Variants in CDH13 observed in about 807,000 individuals in gnomAD.
CDH13 encodes the protein cadherin 13.
CDH13 carries 24 observed loss-of-function variants against 63.8 expected under a neutral mutation model. The ratio of observed to expected loss-of-function variants is 0.38; its 90% confidence interval spans 0.27 to 0.53. The LOEUF is 0.53. Among genes scored for constraint, CDH13 ranks in the 20% least tolerant of loss-of-function variants. The pLI, the probability that CDH13 is intolerant of heterozygous loss-of-function variation, is 0.85. For synonymous variants in CDH13, 503 were observed against 355.3 expected, an observed-to-expected ratio of 1.42 and a Z score of -4.67; for missense variants, 1,049 against 903.1, an observed-to-expected ratio of 1.16 and a Z score of -2.07.
intron 5 of CDH13, among the ~76,000 whole-genome samples, chr16:83,321,859 T>G (rs2090234997): frequency 6.6e-6 from 1 of 152,180 alleles, no homozygotes; most frequent in African/African-American, 2.4e-5. Context: ...CACTTCTGTC[T>G]TAAGGTGTCA....
intron 1 of CDH13, among the ~76,000 whole-genome samples, chr16:82,786,263 CA>C (rs2035996657): frequency 6.6e-6 from 1 of 151,912 alleles, no homozygotes; most frequent in Admixed American, 6.6e-5. Flanking sequence ...TCATATCTTA[CA>C]GTTAAGGTTT....
chr16:83,207,162 G>T (rs561941497), intron 4 of CDH13, among the ~76,000 whole-genome samples: 4 of 152,200 alleles, frequency 2.6e-5, no homozygotes, highest in African/African-American at 9.6e-5. Context: ...CCACATTATT[G>T]TGCAACCATC....
rs76785625 is a variant in CDH13 at position 82,995,794 on chromosome 16, A to G, written c.158-36216A>G. Among the ~76,000 whole-genome samples, 322 of 152,274 alleles carry G rather than the reference A, an allele frequency of 2.1e-3. 1 individual carries two copies. The highest frequency in any genetic ancestry group is 7.4e-3 in the African/African-American group (306 of 41,556). On this transcript the variant is annotated intron_variant, in intron 2 of 13. Coordinates refer to ENST00000567109, the MANE Select transcript of CDH13 (RefSeq NM_001257.5). The stretch of plus-strand genomic sequence containing the variant: ...TTTACTTCTGATTGGATATAACTAG[A>G]TGATAACAGGGATCACGCTGCATCC...
At chr16:83,325,210 T>G (rs191291887) in intron 5 of CDH13, among the ~76,000 whole-genome samples, 150 of 152,356 alleles carry the variant, frequency 9.8e-4, no homozygotes, top group African/African-American at 3.3e-3. Flanking sequence ...AGACTATTTT[T>G]TAATTATTAC....
chr16:82,665,029 C>G (rs1297550024), intron 1 of CDH13, among the ~76,000 whole-genome samples: 2 of 152,132 alleles, frequency 1.3e-5, no homozygotes, highest in Non-Finnish European at 2.9e-5. Flanking sequence ...GTGTTGTGGT[C>G]ACTTGCAGAC....
At chr16:83,666,206 T>C (rs1414415523) in intron 8 of CDH13, among the ~76,000 whole-genome samples, 1 of 152,220 alleles carries the variant, frequency 6.6e-6, no homozygotes, top group African/African-American at 2.4e-5. Flanking sequence ...AAGTGAGCAT[T>C]GCTATAGAAA....
At chr16:83,577,733 C>T (rs1027431490) in intron 7 of CDH13, among the ~76,000 whole-genome samples, 25 of 152,152 alleles carry the variant, frequency 1.6e-4, no homozygotes, top group Non-Finnish European at 2.5e-4. Context: ...CTCGAAATCA[C>T]GTAGATGCAT....
chr16:82,679,234 CG>C (rs1567619193), intron 1 of CDH13, among the ~76,000 whole-genome samples: 1 of 152,122 alleles, frequency 6.6e-6, no homozygotes, highest in Admixed American at 6.5e-5. Flanking sequence ...TGCAGAAATA[CG>C]GGGTATAGCT....
chr16:82,924,474 G>A (rs948353991), intron 2 of CDH13, among the ~76,000 whole-genome samples: 1 of 152,160 alleles, frequency 6.6e-6, no homozygotes, highest in Non-Finnish European at 1.5e-5. Flanking sequence ...CGGTTTTCGG[G>A]CTTTTTCTCA....
At chr16:83,770,560 A>G (rs1022661260) in intron 11 of CDH13, among the ~76,000 whole-genome samples, 14 of 152,220 alleles carry the variant, frequency 9.2e-5, no homozygotes, top group South Asian at 2.1e-4. Flanking sequence ...AAGGAATAAA[A>G]GAATGGCTAC....
chr16:83,119,961 A>T (rs1013024875), intron 3 of CDH13, among the ~76,000 whole-genome samples: 1 of 152,246 alleles, frequency 6.6e-6, no homozygotes, highest in Admixed American at 6.5e-5. Context: ...ACGCAGAGCC[A>T]TGGATAAATA....
chr16:83,421,594 G>A (rs987127073), intron 6 of CDH13, among the ~76,000 whole-genome samples: 2 of 152,168 alleles, frequency 1.3e-5, no homozygotes, highest in African/African-American at 4.8e-5. Flanking sequence ...TCTTCCATCA[G>A]GAAAGAAAAT....
At chr16:83,098,838 G>C (rs377112809) in intron 3 of CDH13, among the ~76,000 whole-genome samples, 1 of 152,132 alleles carries the variant, frequency 6.6e-6, no homozygotes, top group African/African-American at 2.4e-5. Context: ...ACATTTTTGA[G>C]TGGAGAATCA....
At chr16:83,197,425 A>G (rs1011543019) in intron 4 of CDH13, among the ~76,000 whole-genome samples, 1 of 152,266 alleles carries the variant, frequency 6.6e-6, no homozygotes, top group African/African-American at 2.4e-5. Flanking sequence ...TTTTAAATGT[A>G]CAATTGAATT....
At chr16:83,467,188 C>T (rs774327776) in intron 6 of CDH13, among the ~76,000 whole-genome samples, 4 of 152,216 alleles carry the variant, frequency 2.6e-5, no homozygotes, top group Non-Finnish European at 4.4e-5. Context: ...ACGCATCTCT[C>T]TGCTCAAACG....
intron 7 of CDH13, among the ~76,000 whole-genome samples, chr16:83,562,687 G>A (rs150047477): frequency 6.6e-6 from 1 of 152,310 alleles, no homozygotes; most frequent in East Asian, 1.9e-4. Flanking sequence ...TTTGATGTCT[G>A]TTACCCACAT....
At position 82,970,677 on chromosome 16, in the gene CDH13, C is replaced by G. The variant is rs556877559; in HGVS notation, c.158-61333C>G. On this transcript the variant is annotated intron_variant, in intron 2 of 13. Coordinates refer to ENST00000567109, the MANE Select transcript of CDH13 (RefSeq NM_001257.5). ...GCCTCCCAAAGTGCCAGTGCATATTCTTAAGGGCTCAGCTTAAACCTTACC... is the reference window on the plus strand; with the variant it reads ...GCCTCCCAAAGTGCCAGTGCATATTGTTAAGGGCTCAGCTTAAACCTTACC... Among the ~76,000 whole-genome samples, 81 of 152,178 alleles carry G rather than the reference C, an allele frequency of 5.3e-4. 7 individuals carry two copies. The highest frequency in any genetic ancestry group is 5.7e-4 in the Non-Finnish European group (39 of 68,000).
chr16:83,269,471 C>A (rs908445976), intron 5 of CDH13, among the ~76,000 whole-genome samples: 1 of 152,108 alleles, frequency 6.6e-6, no homozygotes, highest in African/African-American at 2.4e-5. Flanking sequence ...AAGATGCAGT[C>A]TGTTGGCAGA....
rs542110668 is a variant in CDH13 at position 83,142,179 on chromosome 16, T to G, written c.483+16678T>G. Among the ~76,000 whole-genome samples the G allele has an allele frequency of 5.9e-3, 868 of 148,314 alleles. 10 individuals are homozygous for G. The highest frequency in any genetic ancestry group is 0.02 in the African/African-American group (800 of 40,068). ...GTTTTTGTTTTTTTTTTTTTTTTTT[T>G]GAAATGGAGTCTCATCCTATCACCC... On this transcript the variant is annotated intron_variant, in intron 4 of 13. Coordinates refer to ENST00000567109, the MANE Select transcript of CDH13 (RefSeq NM_001257.5).
Sources: gnomAD v4.1 joint callset for allele counts (sites outside exome capture counted in the v4.1 genomes callset) on GRCh38, gnomAD v4.1.1 for gene constraint, MANE v1.5 for transcripts, NCBI Gene and HGNC (gene_info 2026-07-23, HGNC 2026-07-21) for gene names.